PCA3: variants seen among roughly 807,000 people sequenced by gnomAD.
The protein encoded by PCA3 is Differential Display code 3.
intron 2 of PCA3, among the ~76,000 whole-genome samples, chr9:76,773,186 G>C (rs2053305910): frequency 6.6e-6 from 1 of 152,108 alleles, no homozygotes; most frequent in South Asian, 2.1e-4. Flanking sequence ...TTGTTGTTGG[G>C]ATTCATCCAG....
chr9:76,775,439 G>C (rs2053629662), intron 2 of PCA3, among the ~76,000 whole-genome samples: 1 of 151,698 alleles, frequency 6.6e-6, no homozygotes, highest in South Asian at 2.1e-4. Flanking sequence ...TGGGACTACA[G>C]GCATGCACTA....
intron 2 of PCA3, among the ~76,000 whole-genome samples, chr9:76,765,988 C>T (rs1160691501): frequency 1.3e-5 from 2 of 151,982 alleles, no homozygotes; most frequent in African/African-American, 4.8e-5. Flanking sequence ...TGAGACCATC[C>T]TGGCCAACAT....
chr9:76,771,180 T>C (rs2053062613), intron 2 of PCA3, among the ~76,000 whole-genome samples: 1 of 152,214 alleles, frequency 6.6e-6, no homozygotes, highest in Non-Finnish European at 1.5e-5. Context: ...ATATAAATTA[T>C]ATTCCCATGT....
rs921261214 is a variant in PCA3, at chr9:76,772,528, G to A, written n.852+35913G>A. ...AGTTTTGCAAAAGTCTCCTCCCATG[G>A]ACAAGGTTAACTGCAACTTGTGAAC... On this transcript the variant is annotated intron_variant and non_coding_transcript_variant, in intron 2 of 5. Coordinates refer to ENST00000644657, the Ensembl canonical transcript of PCA3. Among the ~76,000 whole-genome samples the A allele has an allele frequency of 1.2e-4, 18 of 152,110 alleles. No homozygotes were observed. In the East Asian group the frequency reaches 1.4e-3, roughly 11 times the overall value.
chr9:76,774,375 C>G (rs1393101878), intron 2 of PCA3, among the ~76,000 whole-genome samples: 2 of 151,298 alleles, frequency 1.3e-5, no homozygotes, highest in African/African-American at 2.4e-5. Context: ...TGAGCTCAAG[C>G]AATCCACCTG....
At chr9:76,787,169 T>C (rs1330732577) in intron 2 of PCA3, 2 of 152,214 alleles carry the variant, frequency 1.3e-5, no homozygotes, top group Non-Finnish European at 2.9e-5. Context: ...TCCTTGTAAA[T>C]TACTTTTTCT....
chr9:76,766,787 A>G (rs2052444258), intron 2 of PCA3, among the ~76,000 whole-genome samples: 1 of 152,096 alleles, frequency 6.6e-6, no homozygotes, highest in South Asian at 2.1e-4. Flanking sequence ...GCTTCTTATC[A>G]CATAGGGAGT....
intron 2 of PCA3, among the ~76,000 whole-genome samples, chr9:76,770,534 G>T (rs1359141712): frequency 1.3e-5 from 2 of 152,062 alleles, no homozygotes; most frequent in African/African-American, 4.8e-5. Context: ...ATCTAAAATG[G>T]ATTATGAAAT....
intron 2 of PCA3, among the ~76,000 whole-genome samples, chr9:76,775,923 T>A (rs983729772): frequency 6.6e-6 from 1 of 151,546 alleles, no homozygotes; most frequent in African/African-American, 2.4e-5. Flanking sequence ...TGACTACACA[T>A]CCCTAAACCT....
At chr9:76,773,688 C>A (rs368237008) in intron 2 of PCA3, among the ~76,000 whole-genome samples, 1 of 152,134 alleles carries the variant, frequency 6.6e-6, no homozygotes, top group East Asian at 1.9e-4. Flanking sequence ...AGGTGATCCA[C>A]CTGACTCGGC....
intron 2 of PCA3, chr9:76,784,531 C>T (rs569338205): frequency 1.1e-4 from 16 of 152,372 alleles, no homozygotes; most frequent in African/African-American, 1.9e-4. Context: ...TATCTGATCT[C>T]TACGGTTCCT....
chr9:76,768,610 T>G (rs1295805553), intron 2 of PCA3, among the ~76,000 whole-genome samples: 2 of 151,668 alleles, frequency 1.3e-5, no homozygotes, highest in Non-Finnish European at 2.9e-5. Flanking sequence ...TGTGTGTGTG[T>G]GTGTGTGTGT....
intron 2 of PCA3, among the ~76,000 whole-genome samples, chr9:76,777,656 G>A (rs1411048440): frequency 2.0e-5 from 3 of 152,186 alleles, no homozygotes; most frequent in Admixed American, 6.5e-5. Context: ...TTCAATGCTG[G>A]TGAAACACAA....
At chr9:76,769,392 A>G (rs1012546172) in intron 2 of PCA3, among the ~76,000 whole-genome samples, 6 of 152,188 alleles carry the variant, frequency 3.9e-5, no homozygotes, top group African/African-American at 1.4e-4. Flanking sequence ...TCCTTCCTCT[A>G]TTGATGGACA....
At chr9:76,767,939 T>G (rs2052600817) in intron 2 of PCA3, among the ~76,000 whole-genome samples, 1 of 152,230 alleles carries the variant, frequency 6.6e-6, no homozygotes, top group African/African-American at 2.4e-5. Context: ...GAGCAAGGAC[T>G]GGAAGTATTA....
At chr9:76,783,048 T>C (rs2054590865) in intron 2 of PCA3, among the ~76,000 whole-genome samples, 2 of 152,224 alleles carry the variant, frequency 1.3e-5, no homozygotes, top group Non-Finnish European at 1.5e-5. Flanking sequence ...ACAGTCCACA[T>C]AGTAGGTATT....
intron 2 of PCA3, chr9:76,764,493 T>C (rs987376369): frequency 6.6e-6 from 1 of 152,210 alleles, no homozygotes; most frequent in Admixed American, 6.6e-5. Context: ...GGGAGATTTG[T>C]GTGGCTGCAG....
chr9:76,777,341 A>G (rs1416087220), intron 2 of PCA3, among the ~76,000 whole-genome samples: 1 of 152,128 alleles, frequency 6.6e-6, no homozygotes, highest in Non-Finnish European at 1.5e-5. Flanking sequence ...TATAATAAGC[A>G]CAGGAATGGT....
At chr9:76,774,450 C>CTTTATTTATTTATTTATTTATT (rs1426934979) in intron 2 of PCA3, among the ~76,000 whole-genome samples, 1 of 41,402 alleles carries the variant, frequency 2.4e-5, no homozygotes, top group Non-Finnish European at 3.9e-5. Flanking sequence ...CAGTTCAACC[C>CTTTATTTATTTATTTATTTATT]TTTTTTTTTT....
Sources: allele counts gnomAD v4.1 joint callset (sites outside exome capture counted in the v4.1 genomes callset), GRCh38; gene constraint gnomAD v4.1.1; transcripts MANE v1.5; gene names NCBI Gene and HGNC (gene_info 2026-07-23, HGNC 2026-07-21).